The following EHMT1 variants were observed in gnomAD, a reference collection of about 807,000 sequenced individuals.
The protein encoded by EHMT1 is histone-lysine N-methyltransferase EHMT1.
In EHMT1, 15 loss-of-function variants were observed where a neutral mutation model predicts 147.2. The observed-to-expected ratio is 0.10, with a 90% CI of 0.07 to 0.16. The LOEUF (loss-of-function observed/expected upper bound fraction) is 0.16, where lower values mean the gene tolerates loss of function less well. EHMT1 is among the 10% of genes least tolerant of loss of function. The pLI is 1.00. For missense variants in EHMT1, 1,587 were observed against 1,772.4 expected, an observed-to-expected ratio of 0.90 and a Z score of 1.88; for synonymous variants, 795 against 709.6, an observed-to-expected ratio of 1.12 and a Z score of -1.91.
chr9:137,673,377 T>C (rs948727854), intron 1 of EHMT1, among the ~76,000 whole-genome samples: 1 of 152,196 alleles, frequency 6.6e-6, no homozygotes, highest in African/African-American at 2.4e-5. Context: ...AAAAAAGAAA[T>C]AGGCTTCTCA....
intron 1 of EHMT1, among the ~76,000 whole-genome samples, chr9:137,660,156 G>A (rs1041703226): frequency 2.0e-5 from 3 of 151,942 alleles, no homozygotes; most frequent in African/African-American, 7.3e-5. Flanking sequence ...GCAACAAAGT[G>A]AGACACCATC....
intron 18 of EHMT1, chr9:137,803,066 A>C: frequency 8.1e-7 from 1 of 1,230,378 alleles, no homozygotes; most frequent in African/African-American, 1.6e-5. Flanking sequence ...AGGCGGCCCT[A>C]GTGTGGCTGG....
intron 1 of EHMT1, chr9:137,646,349 GA>G: frequency 1.0e-6 from 1 of 985,524 alleles, no homozygotes; most frequent in Non-Finnish European, 1.2e-6. Flanking sequence ...TACCTGGCCT[GA>G]GGAACATTTC....
chr9:137,647,568 C>G (rs979986313), intron 1 of EHMT1, among the ~76,000 whole-genome samples: 1 of 151,034 alleles, frequency 6.6e-6, no homozygotes, highest in African/African-American at 2.4e-5. Flanking sequence ...CGCAGACTTC[C>G]TGTGCCTTCT....
At chr9:137,625,986 G>A (rs1843228598) in intron 1 of EHMT1, among the ~76,000 whole-genome samples, 4 of 150,460 alleles carry the variant, frequency 2.7e-5, no homozygotes, top group African/African-American at 9.7e-5. Flanking sequence ...CTCTCGAGTA[G>A]CTGGAATCAC....
At chr9:137,693,378 C>T (rs1198162228) in intron 1 of EHMT1, among the ~76,000 whole-genome samples, 3 of 152,110 alleles carry the variant, frequency 2.0e-5, no homozygotes, top group African/African-American at 4.8e-5. Context: ...AGTCCTGCAG[C>T]CCCCGCATAG....
intron 1 of EHMT1, among the ~76,000 whole-genome samples, chr9:137,669,326 C>T (rs1940140539): frequency 7.6e-6 from 1 of 131,094 alleles, no homozygotes; most frequent in Admixed American, 8.0e-5. Context: ...AAGACGCCCC[C>T]ACAGCACGTG....
At chr9:137,669,514 A>T (rs13292580) in intron 1 of EHMT1, among the ~76,000 whole-genome samples, 1 of 21,494 alleles carries the variant, frequency 4.7e-5, no homozygotes, top group Non-Finnish European at 8.8e-5. Flanking sequence ...GACGCCCCGC[A>T]CAGCACGTGC....
intron 3 of EHMT1, among the ~76,000 whole-genome samples, chr9:137,721,638 C>G (rs983758737): frequency 2.0e-5 from 3 of 150,424 alleles, no homozygotes; most frequent in Non-Finnish European, 1.5e-5. Flanking sequence ...TCTCCCACGC[C>G]TCTCACTCTT....
At chr9:137,641,432 C>A in intron 1 of EHMT1, 1 of 530,208 alleles carries the variant, frequency 1.9e-6, no homozygotes, top group South Asian at 1.4e-5. Context: ...CAGCACTGGT[C>A]AAACAATGCA....
intron 1 of EHMT1, among the ~76,000 whole-genome samples, chr9:137,656,898 G>A (rs958175847): frequency 2.0e-5 from 3 of 152,010 alleles, no homozygotes; most frequent in Non-Finnish European, 2.9e-5. Context: ...GTGCCACCAC[G>A]CCTGGGTCAT....
Position 137,646,083 on chromosome 9 carries a change from C to T in EHMT1, c.21+27034C>T, listed in dbSNP as rs367915388. Among the ~76,000 whole-genome samples, 18 of 152,100 alleles carry T rather than the reference C, an allele frequency of 1.2e-4. No homozygotes were observed. The East Asian group carries it at 2.7e-3, about 23-fold the overall frequency. On this transcript the variant is annotated intron_variant, in intron 1 of 26. Coordinates refer to ENST00000460843, the MANE Select transcript of EHMT1 (RefSeq NM_024757.5). The stretch of plus-strand genomic sequence containing the variant: ...AAGCAGTTCTCCTGCCTCAGCCTCC[C>T]GCGTAGCTGGGATGACAGGTGCCCA...
At chr9:137,701,129 C>T (rs755712928) in intron 1 of EHMT1, among the ~76,000 whole-genome samples, 54 of 152,024 alleles carry the variant, frequency 3.6e-4, no homozygotes, top group Non-Finnish European at 8.8e-5. Flanking sequence ...GGGGAACGTC[C>T]GCCCCCATGA....
chr9:137,626,205 C>A (rs1843245795), intron 1 of EHMT1, among the ~76,000 whole-genome samples: 1 of 151,796 alleles, frequency 6.6e-6, no homozygotes, highest in Non-Finnish European at 1.5e-5. Context: ...GTTTTCTATT[C>A]TTTTTAGTAT....
At chr9:137,741,624 C>T (rs142429349) in intron 4 of EHMT1, among the ~76,000 whole-genome samples, 1 of 152,138 alleles carries the variant, frequency 6.6e-6, no homozygotes, top group African/African-American at 2.4e-5. Context: ...ATGTAGTCAC[C>T]CTTGGGTATA....
At chr9:137,719,785 T>G (rs569255583) in intron 3 of EHMT1, among the ~76,000 whole-genome samples, 64 of 152,166 alleles carry the variant, frequency 4.2e-4, no homozygotes, top group Middle Eastern at 3.4e-3. Context: ...TTACCGTGTG[T>G]GGATGTGTGG....
Position 137,720,767 on chromosome 9 carries a change from C to T in EHMT1, c.642+3585C>T, listed in dbSNP as rs114618004. On this transcript the variant is annotated intron_variant, in intron 3 of 26. Transcript: ENST00000460843. The stretch of plus-strand genomic sequence containing the variant: ...GTGGGGTGTGGACAGCCTTGTACGT[C>T]GGCACTCACCCGCTGAAGGACACTG... Among the ~76,000 whole-genome samples, 934 of 152,188 alleles carry T rather than the reference C, an allele frequency of 6.1e-3. 5 individuals carry two copies. The highest frequency in any genetic ancestry group is 0.021 in the African/African-American group (872 of 41,506).
intron 15 of EHMT1, chr9:137,788,009 C>T: frequency 6.9e-7 from 1 of 1,448,296 alleles, no homozygotes; most frequent in Non-Finnish European, 9.6e-7. Flanking sequence ...AGTGGAGAGG[C>T]CAGGCCCTAG....
At chr9:137,625,975 C>T (rs1427934723) in intron 1 of EHMT1, among the ~76,000 whole-genome samples, 1 of 151,056 alleles carries the variant, frequency 6.6e-6, no homozygotes, top group Non-Finnish European at 1.5e-5. Flanking sequence ...CCTGCCTCAG[C>T]CTCTCGAGTA....
Sources: allele counts gnomAD v4.1 joint callset (sites outside exome capture counted in the v4.1 genomes callset), GRCh38; gene constraint gnomAD v4.1.1; transcripts MANE v1.5; gene names NCBI Gene and HGNC (gene_info 2026-07-23, HGNC 2026-07-21).